Variants in AFF2 observed in about 807,000 individuals in gnomAD.
The protein encoded by AFF2 is AF4/FMR2 family member 2.
AFF2 carries 14 observed loss-of-function variants against 76.9 expected under a neutral mutation model. The ratio of observed to expected loss-of-function variants is 0.18; its 90% confidence interval spans 0.12 to 0.28. AFF2 has a LOEUF of 0.28. AFF2 is among the 10% of genes least tolerant of loss of function. The pLI is 1.00. For missense variants in AFF2, 868 were observed against 1,001.1 expected (o/e 0.87, Z 1.79); for synonymous variants, 398 against 366.7 (o/e 1.09, Z -0.98).
chrX:148,718,888 A>G (rs1201502202), intron 3 of AFF2, among the ~76,000 whole-genome samples: 1 of 111,571 alleles, frequency 9.0e-6, no homozygotes, highest in Non-Finnish European at 1.9e-5. Flanking sequence ...TATTCTCATG[A>G]GGTAATGGTT....
At chrX:148,839,639 C>G (rs1187119474) in intron 5 of AFF2, among the ~76,000 whole-genome samples, 2 of 111,760 alleles carry the variant, frequency 1.8e-5, no homozygotes, top group African/African-American at 3.3e-5. Flanking sequence ...CAAATTCTAT[C>G]TTCCAAAACA....
At chrX:148,630,883 C>T (rs183051833) in intron 1 of AFF2, among the ~76,000 whole-genome samples, 1 of 111,917 alleles carries the variant, frequency 8.9e-6, no homozygotes, top group African/African-American at 3.2e-5. Context: ...TCTTACTTAC[C>T]CCAACCTGGG....
intron 1 of AFF2, among the ~76,000 whole-genome samples, chrX:148,637,299 C>T (rs1557253981): frequency 8.9e-6 from 1 of 112,017 alleles, no homozygotes; most frequent in Non-Finnish European, 1.9e-5. Context: ...TCAACATTGG[C>T]ATATGTGCCC....
At chrX:148,847,828 C>T (rs782645304) in intron 7 of AFF2, among the ~76,000 whole-genome samples, 21 of 112,118 alleles carry the variant, frequency 1.9e-4, no homozygotes, top group Non-Finnish European at 3.2e-4. Context: ...CCTTATTAAA[C>T]TTGCCAGGCA....
chrX:148,971,875 A>T (rs2072264890), intron 15 of AFF2, among the ~76,000 whole-genome samples: 1 of 36,421 alleles, frequency 2.7e-5, no homozygotes, highest in Admixed American at 3.4e-4. Flanking sequence ...TGCACCCACT[A>T]ACGTGTCATC....
At chrX:148,771,070 A>G (rs1557268073) in intron 3 of AFF2, among the ~76,000 whole-genome samples, 1 of 112,225 alleles carries the variant, frequency 8.9e-6, no homozygotes, top group Admixed American at 9.4e-5. Context: ...GCTAGTCCCA[A>G]ATGAAAAGAT....
chrX:148,699,389 T>C (rs952543362), intron 3 of AFF2, among the ~76,000 whole-genome samples: 4 of 112,116 alleles, frequency 3.6e-5, no homozygotes, highest in African/African-American at 1.3e-4. Flanking sequence ...TTATATCCTC[T>C]GGTTTAGAGT....
chrX:148,748,274 A>T (rs1157890442), intron 3 of AFF2, among the ~76,000 whole-genome samples: 5 of 112,137 alleles, frequency 4.5e-5, no homozygotes, highest in Non-Finnish European at 1.9e-5. Context: ...GAAATTAAGT[A>T]TGTAAATTAA....
chrX:148,501,253 C>G (rs1557231800), intron 1 of AFF2, 109 bp downstream of exon 1: 1 of 977,171 alleles, frequency 1.0e-6, no homozygotes, highest in Admixed American at 2.5e-5. Flanking sequence ...GCGCCCCGGA[C>G]TCCCTCCCAC....
chrX:148,647,738 C>A (rs2054158098), intron 1 of AFF2, among the ~76,000 whole-genome samples: 1 of 111,307 alleles, frequency 9.0e-6, no homozygotes, highest in East Asian at 2.8e-4. Flanking sequence ...GTTCCAGCCT[C>A]CTAGTTCTCT....
Position 148,809,880 on chromosome X carries a change from G to A in AFF2, c.1046G>A (p.Ser349Asn), listed in dbSNP as rs2070181927. Residue 349 changes from serine (S) to asparagine (N), a missense_variant, in exon 4 of 21, where the codon AGC becomes AAC. Ser to Asn is a conservative substitution (Grantham distance 46). Coordinates refer to ENST00000370460, the MANE Select transcript of AFF2 (RefSeq NM_002025.4). ...TTTCTGTTTATTTTGTTTCAGGTAA[G>A]CCTTCCCAGTGATCCAAGCTGTGTT... ...KFTILQTSEVSLPSDPSCVEE... is the reference protein window; with the variant it reads ...KFTILQTSEVNLPSDPSCVEE... 8.3e-7 allele frequency: 1 copy of A among 1,209,249 alleles called. No homozygotes were observed.
intron 3 of AFF2, among the ~76,000 whole-genome samples, chrX:148,767,821 A>G (rs939740521): frequency 9.8e-5 from 11 of 112,196 alleles, no homozygotes; most frequent in Non-Finnish European, 1.3e-4. Context: ...ATGTAGTTAC[A>G]TAGCACTTCA....
intron 7 of AFF2, among the ~76,000 whole-genome samples, chrX:148,884,804 T>C (rs782488687): frequency 5.4e-5 from 6 of 112,030 alleles, no homozygotes; most frequent in Non-Finnish European, 9.4e-5. Context: ...ATATTCTTCC[T>C]GAGATGAGAG....
intron 1 of AFF2, among the ~76,000 whole-genome samples, chrX:148,558,003 T>A (rs1168751463): frequency 4.5e-5 from 5 of 112,050 alleles, no homozygotes; most frequent in African/African-American, 1.6e-4. Flanking sequence ...ACTCAGGGTC[T>A]GCACATTTTG....
rs2052338947 is a variant in AFF2 at position 148,500,857 on chromosome X, C to T, written c.-241C>T. On this transcript the variant is annotated 5_prime_UTR_variant, in exon 1 of 21. Transcript: ENST00000370460. The stretch of plus-strand genomic sequence containing the variant: ...CGCGGGCTACCGCGGACCGAGCGGA[C>T]CCGAGTGGGCGACCAGGCGCTTGCC... The T allele has an allele frequency of 1.3e-5, 4 of 312,000 alleles. No homozygotes were observed. Among genetic ancestry groups the T allele is most frequent in the Non-Finnish European group, 2.2e-5 (4 of 183,387 alleles). The allele number at this position is 312,000 out of a possible 1,213,427, so 25.7% of individuals were successfully genotyped here.
intron 3 of AFF2, among the ~76,000 whole-genome samples, chrX:148,708,106 AT>A (rs1177737845): frequency 6.7e-4 from 75 of 111,961 alleles, no homozygotes; most frequent in African/African-American, 2.3e-3. Context: ...CAGTGTTTCA[AT>A]TGTTGTTTTT....
chrX:148,618,634 C>T (rs782313172), intron 1 of AFF2, among the ~76,000 whole-genome samples: 1 of 111,365 alleles, frequency 9.0e-6, no homozygotes, highest in Non-Finnish European at 1.9e-5. Flanking sequence ...CCATTTCATT[C>T]CTTTACAAAT....
chrX:148,852,067 T>C (rs984917322), intron 7 of AFF2, among the ~76,000 whole-genome samples: 3 of 111,784 alleles, frequency 2.7e-5, no homozygotes, highest in African/African-American at 9.7e-5. Context: ...CCTTCTTTTA[T>C]ATGGCTGCAT....
chrX:148,653,360 AGT>A (rs71825002), intron 2 of AFF2, among the ~76,000 whole-genome samples: 15,313 of 111,789 alleles, frequency 0.14, 1,010 homozygotes, highest in Middle Eastern at 0.27. Context: ...GCCTTACACC[AGT>A]GTACAAAGAG....
Sources: allele counts gnomAD v4.1 joint callset (sites outside exome capture counted in the v4.1 genomes callset), GRCh38; gene constraint gnomAD v4.1.1; transcripts MANE v1.5; gene names NCBI Gene and HGNC (gene_info 2026-07-23, HGNC 2026-07-21).